The following KDM4B variants were observed in gnomAD, a reference collection of about 807,000 sequenced individuals.
KDM4B encodes the protein lysine demethylase 4B.
In KDM4B, 32 loss-of-function variants were observed where a neutral mutation model predicts 125.2. That is an observed-to-expected ratio of 0.26 (90% CI 0.19 to 0.34). The LOEUF (loss-of-function observed/expected upper bound fraction) is 0.34. Among genes scored for constraint, KDM4B ranks in the 10% least tolerant of loss-of-function variants. The pLI, the probability that KDM4B is intolerant of heterozygous loss-of-function variation, is 1.00. For synonymous variants in KDM4B, 721 were observed against 677.9 expected (o/e 1.06, Z -0.99); for missense variants, 1,190 against 1,577.7 (o/e 0.75, Z 4.16).
intron 6 of KDM4B, among the ~76,000 whole-genome samples, chr19:5,048,925 G>A (rs1349726375): frequency 6.6e-6 from 1 of 152,212 alleles, no homozygotes; most frequent in African/African-American, 2.4e-5. Context: ...GACATGGGAG[G>A]TGGGGGACCA....
At chr19:5,063,268 T>C (rs1229099535) in intron 6 of KDM4B, among the ~76,000 whole-genome samples, 1 of 152,220 alleles carries the variant, frequency 6.6e-6, no homozygotes, top group Non-Finnish European at 1.5e-5. Context: ...TCACTAATGC[T>C]GTATTTAGGA....
intron 9 of KDM4B, among the ~76,000 whole-genome samples, chr19:5,098,090 C>T (rs530957477): frequency 5.9e-5 from 9 of 152,354 alleles, no homozygotes; most frequent in Non-Finnish European, 1.0e-4. Context: ...GAGGCAGACA[C>T]AGCCCCCAGC....
intron 1 of KDM4B, among the ~76,000 whole-genome samples, chr19:4,998,256 C>G (rs567100434): frequency 1.6e-4 from 25 of 152,328 alleles, no homozygotes; most frequent in Admixed American, 1.1e-3. Context: ...GTGGAAGGTT[C>G]CAGAAGGAAG....
chr19:5,135,536 C>T lies in KDM4B; in HGVS notation c.2283C>T (p.Gly761=), dbSNP rs1311909396. 6.2e-7 allele frequency: 1 copy of T among 1,604,512 alleles called. No homozygotes were observed. The highest frequency in any genetic ancestry group is 1.3e-5 in the African/African-American group (1 of 74,866). ...DDGTSPLIAC[G]KCCLQVHASC... ...GGACCAGCCCCCTGATCGCCTGCGG[C>T]AAGTGCTGCCTGCAGGTCCATGCCA... Residue 761 remains glycine, a synonymous_variant, in exon 15 of 23, where the codon GGC becomes GGT. Transcript: ENST00000159111.
chr19:5,092,081 G>A (rs528389120), intron 9 of KDM4B, among the ~76,000 whole-genome samples: 4 of 152,206 alleles, frequency 2.6e-5, no homozygotes, highest in African/African-American at 4.8e-5. Flanking sequence ...AGCGGATCCC[G>A]GGCCGGGCCA....
chr19:5,131,140 C>A lies in KDM4B; in HGVS notation c.1380C>A (p.Gly460=). 1 of 1,542,600 alleles carries A rather than the reference C, an allele frequency of 6.5e-7. No individual in the cohort carries two copies. Among genetic ancestry groups the A allele is most frequent in the Non-Finnish European group, 8.7e-7 (1 of 1,144,726 alleles). ...AKSERKKKSF[G]LLPPQLPPPP... is the part of the protein sequence containing the mutation. ...GCGAGCGGAAGAAGAAGAGCTTCGGCCTGCTGCCCCCACAGCTGCCGCCCC... is the reference window on the plus strand; with the variant it reads ...GCGAGCGGAAGAAGAAGAGCTTCGGACTGCTGCCCCCACAGCTGCCGCCCC... Residue 460 remains glycine, a synonymous_variant, in exon 12 of 23, where the codon GGC becomes GGA. Transcript: ENST00000159111.
At chr19:5,013,578 G>A (rs928399515) in intron 1 of KDM4B, among the ~76,000 whole-genome samples, 4 of 152,156 alleles carry the variant, frequency 2.6e-5, no homozygotes, top group Non-Finnish European at 4.4e-5. Context: ...CTCTCCCAGC[G>A]TCTAGAGGTG....
Position 5,082,563 on chromosome 19 carries a change from C to T in KDM4B, c.918+59C>T, listed in dbSNP as rs10469326. On this transcript the variant is annotated intron_variant, in intron 9 of 22. Coordinates refer to ENST00000159111, the MANE Select transcript of KDM4B (RefSeq NM_015015.3). The surrounding 1 kb of genome is among the most constrained non-coding windows in gnomAD (Gnocchi z 5.4). ...AGGGCGGGAGGAGGCTCTTTTTTGC[C>T]TCTGCAGCCACACGCCCATAGCTGG... The T allele has an allele frequency of 0.015, 22,967 of 1,518,878 alleles. 454 individuals are homozygous for T. Among genetic ancestry groups the T allele is most frequent in the Middle Eastern group, 0.078 (438 of 5,598 alleles). The allele number at this position is 1,518,878 out of a possible 1,614,324, so 94.1% of individuals were successfully genotyped here.
intron 6 of KDM4B, among the ~76,000 whole-genome samples, chr19:5,066,096 A>G (rs1316376102): frequency 6.6e-6 from 1 of 152,196 alleles, no homozygotes; most frequent in Non-Finnish European, 1.5e-5. Context: ...CATGTGTGTC[A>G]GGCCGCGGGG....
intron 22 of KDM4B, among the ~76,000 whole-genome samples, chr19:5,150,887 A>T (rs1030273228): frequency 5.9e-5 from 9 of 152,148 alleles, no homozygotes; most frequent in Non-Finnish European, 1.2e-4. Context: ...TTCCTTATTA[A>T]ACGGGAGCCT....
chr19:5,075,511 G>A (rs556759257), intron 7 of KDM4B: 8 of 152,192 alleles, frequency 5.3e-5, no homozygotes, highest in Non-Finnish European at 1.2e-4. Flanking sequence ...GTCTTGTGAT[G>A]TTGGCCAGGC....
chr19:5,144,821 G>T lies in KDM4B; in HGVS notation c.2940G>T (p.Gly980=). Residue 980 remains glycine, a synonymous_variant, in exon 21 of 23, where the codon GGG becomes GGT. Coordinates refer to ENST00000159111, the MANE Select transcript of KDM4B (RefSeq NM_015015.3). ...TCCAGCTGGGACCCCCTTCCGAGGGGGAGCTGGTGGAGCTCCGGTGGACTG... is the reference window on the plus strand; with the variant it reads ...TCCAGCTGGGACCCCCTTCCGAGGGTGAGCTGGTGGAGCTCCGGTGGACTG... ...DCVQLGPPSE[G]ELVELRWTDG... is the part of the protein sequence containing the mutation. 3 of 1,613,296 alleles carry T rather than the reference G, an allele frequency of 1.9e-6. No homozygotes were observed. Among genetic ancestry groups the T allele is most frequent in the Non-Finnish European group, 2.5e-6 (3 of 1,179,830 alleles).
chr19:5,123,415 G>A (rs762263835), intron 11 of KDM4B, among the ~76,000 whole-genome samples: 7 of 152,192 alleles, frequency 4.6e-5, no homozygotes, highest in Non-Finnish European at 1.0e-4. Flanking sequence ...CTCCCGGAGT[G>A]TGTCTGTCCA....
At chr19:5,007,157 AGTTGGGGAAC>A (rs1211834975) in intron 1 of KDM4B, among the ~76,000 whole-genome samples, 2 of 152,162 alleles carry the variant, frequency 1.3e-5, no homozygotes, top group African/African-American at 4.8e-5. Flanking sequence ...CCCATTTGAG[AGTTGGGGAAC>A]GTAGCAAAGT....
chr19:5,132,013 TGGGG>T lies in KDM4B; in HGVS notation c.1906+9_1906+12del. ...GGAGGCCTCAAGTGACGAGGGTGAG[TGGGG>T]GGTCCCCAGGTCGGCTCTCATCAGC... On this transcript the variant is annotated splice_region_variant and intron_variant, in intron 13 of 22. Transcript: ENST00000159111. 6.2e-7 allele frequency: 1 copy of T among 1,602,078 alleles called. No individual in the cohort carries two copies. Among genetic ancestry groups the T allele is most frequent in the Middle Eastern group, 1.7e-4 (1 of 5,926 alleles).
rs986213078 is a variant in KDM4B at position 5,137,167 on chromosome 19, G to A, written c.2309-95G>A. On this transcript the variant is annotated intron_variant, in intron 15 of 22. Transcript: ENST00000159111. ...CTCGTCACTCCACATACGGACACTGGCCCCCAAGTTACCCGGCCCCTCCCC... is the reference window on the plus strand; with the variant it reads ...CTCGTCACTCCACATACGGACACTGACCCCCAAGTTACCCGGCCCCTCCCC... 1.1e-5 allele frequency: 9 copies of A among 806,420 alleles called. No homozygotes were observed. In the Admixed American group the frequency reaches 1.8e-4, roughly 17 times the overall value. The allele number at this position is 806,420 out of a possible 1,614,324, so 50.0% of individuals were successfully genotyped here.
In KDM4B at chr19:5,135,506, C is replaced by T. The variant is rs150254373; in HGVS notation, c.2253C>T (p.Asp751=). The change falls in exon 15 of 23, where the codon GAC becomes GAT. Residue 751 remains aspartate, a synonymous_variant. Transcript: ENST00000159111. ...TGCCTGCCAACTCCTACATCGGCGA[C>T]GACGGGACCAGCCCCCTGATCGCCT... is the stretch of plus-strand genomic sequence containing the variant. ...EPLPANSYIG[D]DGTSPLIACG... is the part of the protein sequence containing the mutation. 23 of 1,611,584 alleles carry T rather than the reference C, an allele frequency of 1.4e-5. No individual in the cohort carries two copies. Among genetic ancestry groups the T allele is most frequent in the African/African-American group, 6.7e-5 (5 of 75,034 alleles).
At chr19:5,117,382 G>A (rs1394239219) in intron 10 of KDM4B, among the ~76,000 whole-genome samples, 1 of 152,102 alleles carries the variant, frequency 6.6e-6, no homozygotes, top group African/African-American at 2.4e-5. Flanking sequence ...GGGGGCAGCT[G>A]AGGCCAGGTG....
At chr19:5,050,004 CT>C (rs2037168541) in intron 6 of KDM4B, among the ~76,000 whole-genome samples, 2 of 152,284 alleles carry the variant, frequency 1.3e-5, no homozygotes, top group Admixed American at 1.3e-4. Flanking sequence ...TGCTTCCCCC[CT>C]CTCCCTTCCT....
Sources: allele counts gnomAD v4.1 joint callset (sites outside exome capture counted in the v4.1 genomes callset), GRCh38; gene constraint gnomAD v4.1.1; non-coding constraint Gnocchi (gnomAD v3.1); transcripts MANE v1.5; gene names NCBI Gene and HGNC (gene_info 2026-07-23, HGNC 2026-07-21).